The following CAMK2D variants were observed in gnomAD, a reference collection of about 807,000 sequenced individuals.
The protein encoded by CAMK2D is calcium/calmodulin dependent protein kinase II delta, also known as calcium/calmodulin-dependent protein kinase type II subunit delta.
Under a neutral mutation model 84.0 loss-of-function variants are expected in CAMK2D, and 37 were observed. The observed-to-expected ratio is 0.44, with a 90% CI of 0.34 to 0.58. The LOEUF (loss-of-function observed/expected upper bound fraction) is 0.58. Among genes scored for constraint, CAMK2D ranks in the 20% least tolerant of loss-of-function variants. The pLI is 0.02. For synonymous variants in CAMK2D, 202 were observed against 212.5 expected, an observed-to-expected ratio of 0.95 and a Z score of 0.43; for missense variants, 448 against 652.5, an observed-to-expected ratio of 0.69 and a Z score of 3.41.
chr4:113,461,864 A>C lies in CAMK2D; in HGVS notation c.1212-1623T>G, dbSNP rs191113855. Among the ~76,000 whole-genome samples, 3 of 152,300 alleles carry C rather than the reference A, an allele frequency of 2.0e-5. No individual in the cohort carries two copies. In the East Asian group the frequency reaches 5.8e-4, roughly 29 times the overall value. ...AAAGTCTAACTCACTGTAGTTCCTC[A>C]AAGTGCAGTACTGTTTATAGAACGT... is the stretch of plus-strand genomic sequence containing the variant. On this transcript the variant is annotated intron_variant, in intron 17 of 20. Coordinates refer to ENST00000511664, the MANE Select transcript of CAMK2D (RefSeq NM_001321571.2).
At chr4:113,477,058 C>T (rs897318610) in intron 16 of CAMK2D, among the ~76,000 whole-genome samples, 1 of 152,146 alleles carries the variant, frequency 6.6e-6, no homozygotes, top group Non-Finnish European at 1.5e-5. Context: ...GTCCTGTCTT[C>T]CTGCTTGGAT....
chr4:113,482,123 G>A (rs2097707843), intron 16 of CAMK2D, among the ~76,000 whole-genome samples: 1 of 152,208 alleles, frequency 6.6e-6, no homozygotes, highest in Non-Finnish European at 1.5e-5. Flanking sequence ...ATGATCTAAT[G>A]TATTTTTGAA....
intron 8 of CAMK2D, among the ~76,000 whole-genome samples, chr4:113,522,864 G>A (rs2098380080): frequency 6.6e-6 from 1 of 152,200 alleles, no homozygotes. Flanking sequence ...GCCTGCAATG[G>A]AGAGAATGTT....
chr4:113,634,902 C>T (rs1325678135), intron 3 of CAMK2D, among the ~76,000 whole-genome samples: 3 of 152,102 alleles, frequency 2.0e-5, no homozygotes, highest in African/African-American at 7.2e-5. Context: ...CCTAGAAGGC[C>T]AGACTCTCTT....
intron 7 of CAMK2D, among the ~76,000 whole-genome samples, chr4:113,532,290 A>G (rs1414609019): frequency 6.6e-6 from 1 of 151,938 alleles, no homozygotes; most frequent in Non-Finnish European, 1.5e-5. Context: ...TTTCTTTTCT[A>G]TTACCATTCT....
chr4:113,499,196 CAAT>C (rs1237527342), intron 16 of CAMK2D, among the ~76,000 whole-genome samples: 1 of 152,040 alleles, frequency 6.6e-6, no homozygotes, highest in African/African-American at 2.4e-5. Flanking sequence ...TGACTGGTAT[CAAT>C]GATTCATAAA....
chr4:113,757,486 G>A (rs10006113), intron 2 of CAMK2D, among the ~76,000 whole-genome samples: 39,865 of 151,814 alleles, frequency 0.26, 7,267 homozygotes, highest in African/African-American at 0.51. Context: ...TGGTTGCAGC[G>A]TTAATAATGT....
chr4:113,644,173 CAG>C, intron 3 of CAMK2D, among the ~76,000 whole-genome samples: 2 of 152,148 alleles, frequency 1.3e-5, no homozygotes, highest in Middle Eastern at 6.8e-3. Context: ...GATGGGGAAA[CAG>C]ATGGGTTCAA....
intron 4 of CAMK2D, among the ~76,000 whole-genome samples, chr4:113,559,692 T>C (rs1262580574): frequency 3.3e-5 from 5 of 152,260 alleles, no homozygotes; most frequent in African/African-American, 1.2e-4. Flanking sequence ...GTTTCACACG[T>C]TAATTGGGAT....
intron 4 of CAMK2D, among the ~76,000 whole-genome samples, chr4:113,606,045 TA>T (rs2098975536): frequency 6.6e-6 from 1 of 151,416 alleles, no homozygotes; most frequent in Non-Finnish European, 1.5e-5. Context: ...TCAGCCATAA[TA>T]AAAAAATGCT....
chr4:113,479,646 T>C (rs536682627), intron 16 of CAMK2D, among the ~76,000 whole-genome samples: 1 of 152,346 alleles, frequency 6.6e-6, no homozygotes, highest in African/African-American at 2.4e-5. Flanking sequence ...AAAAATGAAC[T>C]TGTTTTCTGC....
chr4:113,530,014 A>G (rs2098447466), intron 8 of CAMK2D, among the ~76,000 whole-genome samples: 1 of 152,226 alleles, frequency 6.6e-6, no homozygotes, highest in Non-Finnish European at 1.5e-5. Context: ...AAACACAGCA[A>G]TCTGTCATTT....
chr4:113,484,211 T>C (rs1021664712), intron 16 of CAMK2D, among the ~76,000 whole-genome samples: 1 of 152,198 alleles, frequency 6.6e-6, no homozygotes, highest in Admixed American at 6.5e-5. Context: ...CCTCATCCCT[T>C]CTACCCAGCC....
intron 16 of CAMK2D, among the ~76,000 whole-genome samples, chr4:113,489,852 T>C (rs2097807128): frequency 7.6e-6 from 1 of 131,950 alleles, no homozygotes; most frequent in Non-Finnish European, 1.6e-5. Flanking sequence ...TGTGAGATGG[T>C]ATCTCATTGT....
At chr4:113,676,323 C>A (rs2099318080) in intron 2 of CAMK2D, among the ~76,000 whole-genome samples, 1 of 152,182 alleles carries the variant, frequency 6.6e-6, no homozygotes, top group Non-Finnish European at 1.5e-5. Context: ...TGAAACTTGG[C>A]CATCCTCCTC....
At chr4:113,521,505 T>G (rs1167153426) in intron 8 of CAMK2D, among the ~76,000 whole-genome samples, 1 of 152,172 alleles carries the variant, frequency 6.6e-6, no homozygotes, top group Non-Finnish European at 1.5e-5. Flanking sequence ...TAATGGTAAA[T>G]AGTATCTAGA....
chr4:113,561,402 G>A (rs978294012), intron 4 of CAMK2D, among the ~76,000 whole-genome samples: 16 of 152,112 alleles, frequency 1.1e-4, no homozygotes, highest in African/African-American at 3.9e-4. Flanking sequence ...AGAGCCCAGA[G>A]GGTAGAGGTT....
chr4:113,461,866 A>C (rs10516597), intron 17 of CAMK2D, among the ~76,000 whole-genome samples: 22,623 of 152,188 alleles, frequency 0.15, 5,428 homozygotes, highest in African/African-American at 0.51. Context: ...AGTTCCTCAA[A>C]GTGCAGTACT....
chr4:113,693,543 C>T (rs2154342927), intron 2 of CAMK2D, among the ~76,000 whole-genome samples: 1 of 152,266 alleles, frequency 6.6e-6, no homozygotes, highest in Non-Finnish European at 1.5e-5. Context: ...GGAGAAAGAA[C>T]TAATGCCCTG....
Sources: allele counts gnomAD v4.1 joint callset (sites outside exome capture counted in the v4.1 genomes callset), GRCh38; gene constraint gnomAD v4.1.1; transcripts MANE v1.5; gene names NCBI Gene and HGNC (gene_info 2026-07-23, HGNC 2026-07-21).